Variants in TNR observed in about 807,000 individuals in gnomAD.
TNR encodes the protein tenascin R, also known as tenascin-R.
TNR carries 45 observed loss-of-function variants against 150.4 expected under a neutral mutation model. The observed-to-expected ratio is 0.30, with a 90% confidence interval of 0.24 to 0.38. TNR has a LOEUF of 0.38. Ranked by LOEUF, TNR falls within the 10% of genes least tolerant of loss-of-function variation. The pLI is 1.00. For synonymous variants in TNR, 687 were observed against 678.4 expected, an observed-to-expected ratio of 1.01 and a Z score of -0.20; for missense variants, 1,544 against 1,759.1, an observed-to-expected ratio of 0.88 and a Z score of 2.19.
In TNR at chr1:175,351,397, T is replaced by C. The variant is rs551893339; in HGVS notation, c.3382+2994A>G. Among the ~76,000 whole-genome samples the C allele has an allele frequency of 5.3e-5, 8 of 152,304 alleles. No individual in the cohort carries two copies. The South Asian group carries it at 1.2e-3, about 24-fold the overall frequency. On this transcript the variant is annotated intron_variant, in intron 18 of 22. Transcript: ENST00000367674. ...TGGAATTTATTCAGGGAAATTTGCA[T>C]TGAGGTGGCTGACAGAGCCTGAAAT...
At chr1:175,488,975 A>T (rs1313290878) in intron 2 of TNR, among the ~76,000 whole-genome samples, 6 of 152,224 alleles carry the variant, frequency 3.9e-5, no homozygotes, top group Non-Finnish European at 8.8e-5. Context: ...TTGAATCTGC[A>T]AGTGAATTTA....
chr1:175,412,189 C>A (rs1654242372), intron 2 of TNR, among the ~76,000 whole-genome samples: 1 of 152,156 alleles, frequency 6.6e-6, no homozygotes, highest in Admixed American at 6.5e-5. Flanking sequence ...AAGACTGAAC[C>A]CAGATTTTGC....
intron 2 of TNR, among the ~76,000 whole-genome samples, chr1:175,407,291 C>A (rs976163531): frequency 1.3e-5 from 2 of 152,162 alleles, no homozygotes; most frequent in South Asian, 4.2e-4. Flanking sequence ...ACCAGCCAGG[C>A]AAATAATATA....
intron 2 of TNR, among the ~76,000 whole-genome samples, chr1:175,445,922 T>C (rs1206892449): frequency 1.3e-5 from 2 of 152,230 alleles, no homozygotes; most frequent in African/African-American, 4.8e-5. Context: ...TTTAAAATGT[T>C]CTGGACGATA....
chr1:175,664,325 G>A (rs560509365), intron 1 of TNR, among the ~76,000 whole-genome samples: 34 of 152,316 alleles, frequency 2.2e-4, no homozygotes, highest in Non-Finnish European at 3.5e-4. Context: ...GAGTGGTAGA[G>A]GTATGGTGTC....
chr1:175,684,483 C>T lies in TNR; in HGVS notation c.-165+58743G>A, dbSNP rs551699953. 3.2e-4 allele frequency among the ~76,000 whole-genome samples: 49 copies of T among 152,260 alleles called. 1 individual carries two copies. The South Asian group carries it at 8.5e-3, about 26-fold the overall frequency. On this transcript the variant is annotated intron_variant, in intron 1 of 22. Transcript: ENST00000367674. ...AAGTAGACATCAACATCCTCTAGCT[C>T]GCTGTAATTGACATGTGAGCAAACT...
Position 175,356,288 on chromosome 1 carries a change from G to A in TNR, c.3118+31C>T, listed in dbSNP as rs1651322402. The A allele has an allele frequency of 1.9e-6, 3 of 1,612,656 alleles. No homozygotes were observed. The African/African-American group carries it at 4.0e-5, about 22-fold the overall frequency. ...GATCATTTCCACAAAAGTCCCCAGGGATACGGGTATGTAGGTGACCATGTA... is the reference window on the plus strand; with the variant it reads ...GATCATTTCCACAAAAGTCCCCAGGAATACGGGTATGTAGGTGACCATGTA... On this transcript the variant is annotated intron_variant, in intron 16 of 22. Transcript: ENST00000367674.
chr1:175,597,652 T>C (rs573547368), intron 1 of TNR, among the ~76,000 whole-genome samples: 1 of 152,176 alleles, frequency 6.6e-6, no homozygotes, highest in African/African-American at 2.4e-5. Flanking sequence ...AGAGGCCTAT[T>C]GGTTTGGAAT....
chr1:175,332,589 A>C (rs1650000663), intron 20 of TNR, among the ~76,000 whole-genome samples: 3 of 152,180 alleles, frequency 2.0e-5, no homozygotes, highest in African/African-American at 7.2e-5. Context: ...CATCAAGTAA[A>C]GACTTCTCTT....
At chr1:175,692,496 C>T (rs1475968782) in intron 1 of TNR, among the ~76,000 whole-genome samples, 3 of 152,194 alleles carry the variant, frequency 2.0e-5, no homozygotes, top group African/African-American at 7.2e-5. Context: ...TTCCATCTGC[C>T]TTGGGTCTGA....
chr1:175,387,732 C>G (rs1346147512), intron 7 of TNR, among the ~76,000 whole-genome samples: 1 of 152,212 alleles, frequency 6.6e-6, no homozygotes, highest in Non-Finnish European at 1.5e-5. Flanking sequence ...AGACTTGTTT[C>G]TAACCAGTCC....
At chr1:175,653,192 C>T (rs1665054917) in intron 1 of TNR, among the ~76,000 whole-genome samples, 1 of 152,192 alleles carries the variant, frequency 6.6e-6, no homozygotes, top group African/African-American at 2.4e-5. Flanking sequence ...TTATACAAAT[C>T]TATGAGGGCA....
intron 2 of TNR, among the ~76,000 whole-genome samples, chr1:175,420,827 T>C (rs1654718858): frequency 6.6e-6 from 1 of 152,226 alleles, no homozygotes; most frequent in Admixed American, 6.5e-5. Flanking sequence ...GGGTAATGTA[T>C]GCTATCTCTG....
rs1204924958 is a variant in TNR at position 175,537,090 on chromosome 1, G to C, written c.-164-8721C>G. Among the ~76,000 whole-genome samples the C allele has an allele frequency of 2.0e-5, 3 of 152,172 alleles. 1 individual carries two copies. The highest frequency in any genetic ancestry group is 6.5e-5 in the Admixed American group (1 of 15,278). On this transcript the variant is annotated intron_variant, in intron 1 of 22. Transcript: ENST00000367674. ...AGAGACAAATGTTTCATTACCAGGAGGCTTTGGTGCACGATCGTTAAGTGA... is the reference window on the plus strand; with the variant it reads ...AGAGACAAATGTTTCATTACCAGGACGCTTTGGTGCACGATCGTTAAGTGA...
intron 1 of TNR, among the ~76,000 whole-genome samples, chr1:175,694,270 A>G (rs967643498): frequency 1.3e-5 from 2 of 152,330 alleles, no homozygotes; most frequent in Admixed American, 6.5e-5. Flanking sequence ...TCTTCCTGCC[A>G]TCACTTCTGA....
At chr1:175,640,259 C>T (rs1375952113) in intron 1 of TNR, among the ~76,000 whole-genome samples, 4 of 152,146 alleles carry the variant, frequency 2.6e-5, no homozygotes, top group Non-Finnish European at 5.9e-5. Context: ...TTCAAATTTC[C>T]TTCTTCTCTT....
chr1:175,699,294 T>A (rs1341192059), intron 1 of TNR, among the ~76,000 whole-genome samples: 1 of 151,952 alleles, frequency 6.6e-6, no homozygotes, highest in Non-Finnish European at 1.5e-5. Flanking sequence ...AAGTGAGAAA[T>A]CGTATGTAGG....
At chr1:175,520,318 G>T (rs997330752) in intron 2 of TNR, among the ~76,000 whole-genome samples, 1 of 152,132 alleles carries the variant, frequency 6.6e-6, no homozygotes, top group Non-Finnish European at 1.5e-5. Context: ...CAGCTTTATT[G>T]TTCTCTGCTG....
rs185000154 is a variant in TNR at position 175,650,480 on chromosome 1, C to T, written c.-165+92746G>A. ...CAAGCACTCTGATGAGACTTCAATG[C>T]CTGTATTTGCATTATAATAACATTA... On this transcript the variant is annotated intron_variant, in intron 1 of 22. Transcript: ENST00000367674. 3.5e-3 allele frequency among the ~76,000 whole-genome samples: 534 copies of T among 151,962 alleles called. 2 individuals are homozygous for T. The highest frequency in any genetic ancestry group is 0.012 in the African/African-American group (507 of 41,344).
Sources: allele counts gnomAD v4.1 joint callset (sites outside exome capture counted in the v4.1 genomes callset), GRCh38; gene constraint gnomAD v4.1.1; transcripts MANE v1.5; gene names NCBI Gene and HGNC (gene_info 2026-07-23, HGNC 2026-07-21).